Variants in OIP5 observed in about 807,000 individuals in gnomAD.
OIP5 encodes Opa interacting protein 5.
In OIP5, 24 loss-of-function variants were observed where a neutral mutation model predicts 20.3. That is an observed-to-expected ratio of 1.18 (90% CI 0.86 to 1.66). The LOEUF is 1.66. OIP5 is among the 40% of genes most tolerant of loss of function. The pLI is 0.00. For synonymous variants in OIP5, 143 were observed against 121.3 expected, an observed-to-expected ratio of 1.18 and a Z score of -1.17; for missense variants, 339 against 289.5, an observed-to-expected ratio of 1.17 and a Z score of -1.24.
chr15:41,311,639 C>G (rs2047755055), intron 4 of OIP5, among the ~76,000 whole-genome samples: 1 of 152,148 alleles, frequency 6.6e-6, no homozygotes, highest in South Asian at 2.1e-4. Flanking sequence ...GTGATCTTGG[C>G]TCACTGCAAC....
At chr15:41,324,478 A>C (rs75203302) in intron 2 of OIP5, among the ~76,000 whole-genome samples, 12,808 of 151,956 alleles carry the variant, frequency 0.084, 679 homozygotes, top group East Asian at 0.16. Flanking sequence ...TAGCACTTTT[A>C]ATTTCCATTT....
chr15:41,319,893 G>C (rs1281205627), intron 2 of OIP5, 113 bp from the exon 3 acceptor site: 2 of 800,188 alleles, frequency 2.5e-6, no homozygotes, highest in Non-Finnish European at 3.8e-6. Context: ...AAATTACATT[G>C]TAATAGGAAT....
intron 4 of OIP5, among the ~76,000 whole-genome samples, chr15:41,310,492 C>T (rs565237619): frequency 1.1e-4 from 16 of 152,056 alleles, no homozygotes; most frequent in South Asian, 6.2e-4. Flanking sequence ...TAGCTGGGCA[C>T]GGTGGCGGGC....
rs1360026569 is a variant in OIP5, at chr15:41,332,526, A to C, written c.36T>G (p.Cys12Trp). Residue 12 changes from cysteine (C) to tryptophan (W), a missense_variant, in exon 1 of 5, where the codon TGT (cysteine) becomes TGG (tryptophan). Coordinates refer to ENST00000220514, the MANE Select transcript of OIP5 (RefSeq NM_007280.2). ...AAAAGTCCCCCCGGGGCGGCGTTGC[A>C]CAACGTGAGCGATGCCGCAGCGGCT... Reference protein sequence around the residue: ...AAQPLRHRSRCATPPRGDFCG... With the variant: ...AAQPLRHRSRWATPPRGDFCG... 1.2e-6 allele frequency: 2 copies of C among 1,611,854 alleles called. No homozygotes were observed. Among genetic ancestry groups the C allele is most frequent in the African/African-American group, 2.7e-5 (2 of 74,832 alleles).
Position 41,319,769 on chromosome 15 carries a change from A to C in OIP5, c.401T>G (p.Leu134Arg), listed in dbSNP as rs771006889. The change falls in exon 3 of 5, where the codon CTT (leucine) becomes CGT (arginine). Residue 134 changes from leucine (L) to arginine (R), a missense_variant. Physicochemically the swap from Leu to Arg is moderately radical, Grantham distance 102 (BLOSUM62 -2). Coordinates refer to ENST00000220514, the MANE Select transcript of OIP5 (RefSeq NM_007280.2). ...AATCCCACAAGAACCACAGAATAAA[A>C]GGTTGTAAGTACTAGGGGTGGGGAA... ...EGSLKGSTYNLLFCGSCGIPV... is the reference protein window; with the variant it reads ...EGSLKGSTYNRLFCGSCGIPV... 4 of 1,612,110 alleles carry C rather than the reference A, an allele frequency of 2.5e-6. No individual in the cohort carries two copies. Among genetic ancestry groups the C allele is most frequent in the Non-Finnish European group, 3.4e-6 (4 of 1,178,994 alleles).
chr15:41,309,819 G>T lies in OIP5; in HGVS notation c.625C>A (p.Arg209Ser). 1 of 1,613,560 alleles carries T rather than the reference G, an allele frequency of 6.2e-7. No homozygotes were observed. The highest frequency in any genetic ancestry group is 8.5e-7 in the Non-Finnish European group (1 of 1,179,542). ...LKEKIVLTHNRLKSLMKILSE... is the reference protein window; with the variant it reads ...LKEKIVLTHNSLKSLMKILSE... The stretch of plus-strand genomic sequence containing the variant: ...AGAATCTTCATTAGTGATTTTAAGC[G>T]ATTGTGCGTTAGCACTATCTTCTCT... The change falls in exon 5 of 5, where the codon CGC (arginine) becomes AGC (serine). Residue 209 changes from arginine to serine, a missense_variant. By Grantham distance (110) the Arg-to-Ser change is moderately radical. Coordinates refer to ENST00000220514, the MANE Select transcript of OIP5 (RefSeq NM_007280.2).
intron 2 of OIP5, among the ~76,000 whole-genome samples, chr15:41,324,802 T>C (rs2047851719): frequency 1.3e-5 from 2 of 152,164 alleles, no homozygotes; most frequent in Non-Finnish European, 2.9e-5. Context: ...ATTTTTTTTC[T>C]TCATATTCAC....
chr15:41,314,379 G>A (rs1184664792), intron 3 of OIP5, among the ~76,000 whole-genome samples: 1 of 152,072 alleles, frequency 6.6e-6, no homozygotes, highest in Non-Finnish European at 1.5e-5. Context: ...TGGGATTATA[G>A]GCGTGAGCCG....
Position 41,319,863 on chromosome 15 carries a change from T to G in OIP5, c.390-83A>C. The G allele has an allele frequency of 3.4e-6, 4 of 1,166,120 alleles. No individual in the cohort carries two copies. The South Asian group carries it at 6.5e-5, about 19-fold the overall frequency. 72.2% of individuals were successfully genotyped at this position (1,166,120 alleles called of 1,614,324 possible). ...AAATAACTAGTCTCTGAAGCATTCC[T>G]AACACCTAAGTCAGGGTGAAAATTA... On this transcript the variant is annotated intron_variant, in intron 2 of 4. Coordinates refer to ENST00000220514, the MANE Select transcript of OIP5 (RefSeq NM_007280.2).
At position 41,319,774 on chromosome 15, in the gene OIP5, G is replaced by GT. The variant is rs952663915; in HGVS notation, c.395dup (p.Tyr132Ter). 2 of 1,611,420 alleles carry GT rather than the reference G, an allele frequency of 1.2e-6. No individual in the cohort carries two copies. Among genetic ancestry groups the GT allele is most frequent in the Non-Finnish European group, 1.7e-6 (2 of 1,178,782 alleles). Residue 132 changes from tyrosine (Y) to a stop codon, truncating the protein, a stop_gained and frameshift_variant, in exon 3 of 5, where the codon TAC (tyrosine) becomes TAAC (stop). Coordinates refer to ENST00000220514, the MANE Select transcript of OIP5 (RefSeq NM_007280.2). LOFTEE classifies it high-confidence loss of function. ...GIEGSLKGSTYNLLFCGSCGI... is the reference protein window; with the variant it reads ...GIEGSLKGST ...CACAAGAACCACAGAATAAAAGGTT[G>GT]TAAGTACTAGGGGTGGGGAAAAACA...
intron 3 of OIP5, among the ~76,000 whole-genome samples, chr15:41,315,812 T>C (rs1350816294): frequency 6.6e-6 from 1 of 152,216 alleles, no homozygotes; most frequent in East Asian, 1.9e-4. Flanking sequence ...TACAGTTTTT[T>C]TTCCCACTTT....
Position 41,319,226 on chromosome 15 carries a change from G to T in OIP5, c.512+432C>A, listed in dbSNP as rs546302967. 2.6e-5 allele frequency among the ~76,000 whole-genome samples: 4 copies of T among 151,202 alleles called. 1 individual carries two copies. In the South Asian group the frequency reaches 8.4e-4, roughly 32 times the overall value. The stretch of plus-strand genomic sequence containing the variant: ...TAGCTGGGATTACAGGTGTGCACTA[G>T]CATGCCCAGCTACTTTTTTTTTTTT... On this transcript the variant is annotated intron_variant, in intron 3 of 4. Transcript: ENST00000220514.
chr15:41,325,773 C>T (rs2047857950), intron 2 of OIP5, among the ~76,000 whole-genome samples: 1 of 149,992 alleles, frequency 6.7e-6, no homozygotes, highest in Admixed American at 6.7e-5. Context: ...TTGCTTGAAC[C>T]CGGGATGTGG....
chr15:41,321,927 AT>A (rs1246079140), intron 2 of OIP5, among the ~76,000 whole-genome samples: 122 of 63,020 alleles, frequency 1.9e-3, no homozygotes, highest in African/African-American at 0.011. Flanking sequence ...CAATAAAAAA[AT>A]AAATAAATAA....
intron 2 of OIP5, among the ~76,000 whole-genome samples, chr15:41,330,481 G>GCAAGCTCCGCCTCCCGGGTTCA (rs2047892120): frequency 6.9e-6 from 1 of 145,796 alleles, no homozygotes; most frequent in Non-Finnish European, 1.5e-5. Context: ...CTCGGTCACT[G>GCAAGCTCCGCCTCCCGGGTTCA]CAAGCTCCGC....
At chr15:41,331,780 A>G in intron 2 of OIP5, 135 bp downstream of exon 2, 1 of 733,348 alleles carries the variant, frequency 1.4e-6, no homozygotes, top group South Asian at 1.5e-5. Context: ...CATTTCATTA[A>G]TACATCAAGT....
intron 3 of OIP5, among the ~76,000 whole-genome samples, chr15:41,315,428 CAAA>C (rs750519027): frequency 1.1e-5 from 1 of 87,366 alleles, no homozygotes; most frequent in African/African-American, 4.4e-5. Context: ...GACTCTGTCT[CAAA>C]AAAAAAAAAA....
At chr15:41,314,867 A>G (rs1217929247) in intron 3 of OIP5, among the ~76,000 whole-genome samples, 5 of 150,862 alleles carry the variant, frequency 3.3e-5, no homozygotes, top group African/African-American at 4.9e-5. Flanking sequence ...CCTGACCTCA[A>G]GTGATCCGCC....
intron 2 of OIP5, among the ~76,000 whole-genome samples, chr15:41,320,926 T>C (rs1487711018): frequency 2.1e-5 from 3 of 145,988 alleles, no homozygotes; most frequent in Non-Finnish European, 4.5e-5. Context: ...GGAACGCCTC[T>C]GCCCTGCCGC....
Sources: allele counts gnomAD v4.1 joint callset (sites outside exome capture counted in the v4.1 genomes callset), GRCh38; gene constraint gnomAD v4.1.1; transcripts MANE v1.5; gene names NCBI Gene and HGNC (gene_info 2026-07-23, HGNC 2026-07-21).